The following CNTNAP2 variants were observed in gnomAD, a reference collection of about 807,000 sequenced individuals.
CNTNAP2 encodes contactin associated protein 2.
In CNTNAP2, 98 loss-of-function variants were observed where a neutral mutation model predicts 155.2. The observed-to-expected ratio is 0.63, with a 90% CI of 0.54 to 0.75. CNTNAP2 has a LOEUF of 0.75. Ranked by LOEUF, CNTNAP2 falls within the 30% of genes least tolerant of loss-of-function variation. The pLI is 0.00. For missense variants in CNTNAP2, 1,727 were observed against 1,688.1 expected, an observed-to-expected ratio of 1.02 and a Z score of -0.40; for synonymous variants, 651 against 631.2, an observed-to-expected ratio of 1.03 and a Z score of -0.47.
At chr7:147,715,668 C>G (rs79948215) in intron 13 of CNTNAP2, among the ~76,000 whole-genome samples, 3 of 151,870 alleles carry the variant, frequency 2.0e-5, no homozygotes, top group East Asian at 1.9e-4. Flanking sequence ...TTAACAGGCT[C>G]TTTTACAGAA....
intron 3 of CNTNAP2, among the ~76,000 whole-genome samples, chr7:146,945,281 C>A (rs1213375076): frequency 6.6e-6 from 1 of 152,152 alleles, no homozygotes; most frequent in Admixed American, 6.5e-5. Flanking sequence ...CTAATGTAAA[C>A]TTGTGTGACT....
intron 1 of CNTNAP2, among the ~76,000 whole-genome samples, chr7:146,525,483 G>T (rs1430603832): frequency 2.6e-5 from 4 of 151,966 alleles, no homozygotes; most frequent in Non-Finnish European, 5.9e-5. Flanking sequence ...GTAATGAAAT[G>T]GTAGTAAAAG....
At chr7:148,064,270 T>C (rs1211338432) in intron 15 of CNTNAP2, among the ~76,000 whole-genome samples, 1 of 152,078 alleles carries the variant, frequency 6.6e-6, no homozygotes, top group Non-Finnish European at 1.5e-5. Context: ...TGAATAATGA[T>C]GGTGGTATTT....
At chr7:148,282,182 C>T (rs1796986303) in intron 21 of CNTNAP2, among the ~76,000 whole-genome samples, 1 of 152,120 alleles carries the variant, frequency 6.6e-6, no homozygotes, top group African/African-American at 2.4e-5. Flanking sequence ...GCTTATCACC[C>T]AAATGTGTCT....
At chr7:146,816,752 T>G (rs2129195127) in intron 2 of CNTNAP2, among the ~76,000 whole-genome samples, 1 of 152,262 alleles carries the variant, frequency 6.6e-6, no homozygotes, top group Non-Finnish European at 1.5e-5. Flanking sequence ...TGGTTAAAAG[T>G]CATGCCCTGG....
intron 10 of CNTNAP2, among the ~76,000 whole-genome samples, chr7:147,409,506 C>G (rs185376990): frequency 1.3e-5 from 2 of 152,074 alleles, no homozygotes; most frequent in Non-Finnish European, 2.9e-5. Flanking sequence ...GGTTTCATGA[C>G]GAAGACACAA....
chr7:146,529,956 T>G (rs1242300646), intron 1 of CNTNAP2, among the ~76,000 whole-genome samples: 1 of 138,896 alleles, frequency 7.2e-6, no homozygotes, highest in Non-Finnish European at 1.5e-5. Flanking sequence ...AGAATGAGAC[T>G]CCGTCTCAAA....
chr7:146,613,871 C>A (rs347207), intron 1 of CNTNAP2, among the ~76,000 whole-genome samples: 4,514 of 152,142 alleles, frequency 0.03, 237 homozygotes, highest in African/African-American at 0.1. Context: ...GATTTCTATA[C>A]CTCTAAACTA....
chr7:146,367,325 C>A (rs1795169821), intron 1 of CNTNAP2, among the ~76,000 whole-genome samples: 1 of 152,084 alleles, frequency 6.6e-6, no homozygotes, highest in South Asian at 2.1e-4. Context: ...AGCGGCAGAG[C>A]AAATGCAGTT....
intron 11 of CNTNAP2, among the ~76,000 whole-genome samples, chr7:147,533,798 C>A (rs1250059297): frequency 6.6e-6 from 1 of 151,938 alleles, no homozygotes; most frequent in Non-Finnish European, 1.5e-5. Flanking sequence ...TTTAACTATA[C>A]TCACAATCAT....
intron 1 of CNTNAP2, among the ~76,000 whole-genome samples, chr7:146,710,042 G>T (rs575568331): frequency 6.6e-6 from 1 of 152,312 alleles, no homozygotes; most frequent in East Asian, 1.9e-4. Context: ...GGATCTGAAT[G>T]AAAAGGGCTG....
chr7:146,422,343 G>A (rs534029981), intron 1 of CNTNAP2, among the ~76,000 whole-genome samples: 7 of 145,746 alleles, frequency 4.8e-5, no homozygotes, highest in East Asian at 1.9e-4. Context: ...ATACATATAT[G>A]TATGTGTATA....
intron 13 of CNTNAP2, among the ~76,000 whole-genome samples, chr7:147,662,683 T>C (rs1584885899): frequency 6.6e-6 from 1 of 152,246 alleles, no homozygotes; most frequent in East Asian, 1.9e-4. Context: ...AGCTTAATAG[T>C]TCATTATTTC....
chr7:146,503,767 G>T (rs1460783620), intron 1 of CNTNAP2, among the ~76,000 whole-genome samples: 1 of 152,160 alleles, frequency 6.6e-6, no homozygotes, highest in East Asian at 1.9e-4. Flanking sequence ...TTATTTCTGG[G>T]TTCTCTATTC....
chr7:147,083,176 G>C (rs982311646), intron 4 of CNTNAP2: 1 of 152,056 alleles, frequency 6.6e-6, no homozygotes, highest in Admixed American at 6.6e-5. Flanking sequence ...AATTATATGA[G>C]GACTGGATGG....
intron 12 of CNTNAP2, among the ~76,000 whole-genome samples, chr7:147,599,352 G>A (rs753779883): frequency 4.0e-5 from 6 of 151,698 alleles, no homozygotes; most frequent in South Asian, 2.1e-4. Context: ...AAAATTAGCC[G>A]GCATGGTGTA....
At chr7:146,461,246 C>CA (rs200727378) in intron 1 of CNTNAP2, among the ~76,000 whole-genome samples, 4,200 of 150,124 alleles carry the variant, frequency 0.028, 137 homozygotes, top group African/African-American at 0.074. Context: ...ACTAAAAATA[C>CA]AAAAAAAAAT....
At chr7:146,988,944 T>C (rs901142146) in intron 3 of CNTNAP2, among the ~76,000 whole-genome samples, 1 of 152,194 alleles carries the variant, frequency 6.6e-6, no homozygotes, top group Non-Finnish European at 1.5e-5. Flanking sequence ...ACATTTCTAC[T>C]TTGTACTGCA....
chr7:146,359,764 A>T (rs1795055164), intron 1 of CNTNAP2, among the ~76,000 whole-genome samples: 1 of 151,008 alleles, frequency 6.6e-6, no homozygotes, highest in Admixed American at 6.6e-5. Flanking sequence ...TTGTAAAAGG[A>T]ATTCTATGTG....
Sources: allele counts gnomAD v4.1 joint callset (sites outside exome capture counted in the v4.1 genomes callset), GRCh38; gene constraint gnomAD v4.1.1; transcripts MANE v1.5; gene names NCBI Gene and HGNC (gene_info 2026-07-23, HGNC 2026-07-21).